The following FAAH2 variants were observed in gnomAD, a reference collection of about 807,000 sequenced individuals.
FAAH2 encodes the protein fatty-acid amide hydrolase 2.
In FAAH2, 60 loss-of-function variants were observed where a neutral mutation model predicts 36.9. That is an observed-to-expected ratio of 1.63 (90% CI 1.32 to 2.02). The LOEUF is 2.02. Among genes scored for constraint, FAAH2 ranks in the 30% most tolerant of loss-of-function variants. The pLI is 0.00. For missense variants in FAAH2, 689 were observed against 397.5 expected (o/e 1.73, Z -6.23); for synonymous variants, 214 against 143.8 (o/e 1.49, Z -3.49).
At chrX:57,130,246 G>A in the FAAH2 span, among the ~76,000 whole-genome samples, 1 of 112,435 alleles carries the variant, frequency 8.9e-6, no homozygotes, top group African/African-American at 3.2e-5. Context: ...TTCTAAGCAG[G>A]AGGGCGGCAT....
chrX:57,346,938 C>A (rs911753632), intron 5 of FAAH2, among the ~76,000 whole-genome samples: 1 of 111,364 alleles, frequency 9.0e-6, no homozygotes, highest in African/African-American at 3.3e-5. Flanking sequence ...GTGCTGCTAT[C>A]CTGATGGAGT....
intron 2 of FAAH2, among the ~76,000 whole-genome samples, chrX:57,301,607 TATA>T (rs200729067): frequency 0.013 from 1,321 of 100,226 alleles, 26 homozygotes; most frequent in African/African-American, 0.044. Flanking sequence ...AAACTTAAAG[TATA>T]ATAATAATAA....
chrX:57,391,640 T>C (rs1222122611), intron 7 of FAAH2, among the ~76,000 whole-genome samples: 1 of 110,852 alleles, frequency 9.0e-6, no homozygotes, highest in Non-Finnish European at 1.9e-5. Flanking sequence ...TTTTTATAGG[T>C]ATGTGGCTTT....
chrX:57,385,379 G>T (rs2054992173), intron 7 of FAAH2, among the ~76,000 whole-genome samples: 1 of 109,957 alleles, frequency 9.1e-6, no homozygotes. Flanking sequence ...ATGAAAAAAT[G>T]CCTGTGACTC....
intron 10 of FAAH2, among the ~76,000 whole-genome samples, chrX:57,485,074 G>A (rs2057449417): frequency 3.6e-5 from 4 of 111,957 alleles, no homozygotes. Context: ...TTGGGGGCAA[G>A]CCAGCCATGA....
intron 4 of FAAH2, among the ~76,000 whole-genome samples, chrX:57,339,343 C>T (rs776825929): frequency 1.1e-4 from 12 of 111,965 alleles, no homozygotes; most frequent in Admixed American, 1.9e-4. Flanking sequence ...CCATTCAGGA[C>T]GTAGGCATGG....
At chrX:57,262,783 T>G in the FAAH2 span, among the ~76,000 whole-genome samples, 1 of 111,736 alleles carries the variant, frequency 8.9e-6, no homozygotes, top group African/African-American at 3.2e-5. Context: ...TGGGGTTTAT[T>G]CCAAAGATAC....
At chrX:57,372,115 C>T (rs2054566980) in intron 5 of FAAH2, among the ~76,000 whole-genome samples, 1 of 110,962 alleles carries the variant, frequency 9.0e-6, no homozygotes, top group African/African-American at 3.3e-5. Flanking sequence ...CATACAGATC[C>T]ATGTATCTTC....
upstream of FAAH2, among the ~76,000 whole-genome samples, chrX:57,283,891 A>G (rs1422341192): frequency 8.9e-6 from 1 of 112,000 alleles, no homozygotes; most frequent in Non-Finnish European, 1.9e-5. Context: ...ATGTGGAAGC[A>G]GAGTGATTGT....
chrX:57,384,577 C>T (rs1177023662), intron 7 of FAAH2, among the ~76,000 whole-genome samples: 4 of 111,444 alleles, frequency 3.6e-5, no homozygotes, highest in African/African-American at 1.3e-4. Flanking sequence ...TGAAAAAATA[C>T]TCATCATCAC....
At chrX:57,310,281 A>C (rs2052655615) in intron 2 of FAAH2, among the ~76,000 whole-genome samples, 1 of 111,764 alleles carries the variant, frequency 8.9e-6, no homozygotes, top group African/African-American at 3.3e-5. Context: ...TTGGCCATAC[A>C]GTTGTCTCTT....
At chrX:57,380,072 G>T (rs2054801163) in intron 6 of FAAH2, among the ~76,000 whole-genome samples, 1 of 110,844 alleles carries the variant, frequency 9.0e-6, no homozygotes, top group Non-Finnish European at 1.9e-5. Flanking sequence ...CATGGAAAAT[G>T]GGGTAGGTAT....
At chrX:57,200,626 C>A in the FAAH2 span, among the ~76,000 whole-genome samples, 4 of 111,329 alleles carry the variant, frequency 3.6e-5, no homozygotes, top group African/African-American at 9.8e-5. Flanking sequence ...ATCCACCCAC[C>A]TTGGCCTCCC....
At chrX:57,261,379 C>A in the FAAH2 span, among the ~76,000 whole-genome samples, 3 of 108,098 alleles carry the variant, frequency 2.8e-5, no homozygotes, top group Non-Finnish European at 5.7e-5. Flanking sequence ...ATGGTGAAAC[C>A]CTGTCTCTAC....
chrX:57,356,868 C>T (rs1012687616), intron 5 of FAAH2, among the ~76,000 whole-genome samples: 60 of 110,695 alleles, frequency 5.4e-4, no homozygotes, highest in African/African-American at 2.0e-3. Flanking sequence ...TATATACGTG[C>T]AATGGTGATT....
chrX:57,427,557 A>C (rs1384355192), intron 7 of FAAH2, among the ~76,000 whole-genome samples: 1 of 111,958 alleles, frequency 8.9e-6, no homozygotes, highest in Non-Finnish European at 1.9e-5. Flanking sequence ...ATAATACATC[A>C]TGATCAAGTT....
At chrX:57,205,054 A>G in the FAAH2 span, among the ~76,000 whole-genome samples, 1 of 112,522 alleles carries the variant, frequency 8.9e-6, no homozygotes, top group Non-Finnish European at 1.9e-5. Flanking sequence ...TCTAGCCCAG[A>G]CAAAGTGAGA....
chrX:57,205,159 C>T, the FAAH2 span, among the ~76,000 whole-genome samples: 36 of 112,460 alleles, frequency 3.2e-4, 1 homozygote, highest in Non-Finnish European at 2.3e-4. Context: ...TTCCAATCTT[C>T]GAGGACTAAC....
At chrX:57,354,889 T>A (rs1382206543) in intron 5 of FAAH2, among the ~76,000 whole-genome samples, 1 of 110,781 alleles carries the variant, frequency 9.0e-6, no homozygotes, top group Non-Finnish European at 1.9e-5. Flanking sequence ...ATGTCTAGTT[T>A]GATATGTCTT....
Sources: allele counts gnomAD v4.1 joint callset (sites outside exome capture counted in the v4.1 genomes callset), GRCh38; gene constraint gnomAD v4.1.1; transcripts MANE v1.5; gene names NCBI Gene and HGNC (gene_info 2026-07-23, HGNC 2026-07-21).